The following GCFC2 variants were observed in gnomAD, a reference collection of about 807,000 sequenced individuals.
GCFC2 encodes GC-rich sequence DNA-binding factor 2.
A neutral mutation model predicts 99.4 loss-of-function variants in GCFC2; 102 were observed. The ratio of observed to expected loss-of-function variants is 1.03; its 90% confidence interval spans 0.87 to 1.21. The LOEUF (loss-of-function observed/expected upper bound fraction) is 1.21. Among genes scored for constraint, GCFC2 ranks in the 50% most tolerant of loss-of-function variants. The pLI is 0.00. For missense variants in GCFC2, 973 were observed against 920.9 expected, an observed-to-expected ratio of 1.06 and a Z score of -0.73; for synonymous variants, 338 against 316.8, an observed-to-expected ratio of 1.07 and a Z score of -0.71.
intron 2 of GCFC2, among the ~76,000 whole-genome samples, chr2:75,705,244 G>T (rs989264864): frequency 6.6e-6 from 1 of 152,096 alleles, no homozygotes; most frequent in Non-Finnish European, 1.5e-5. Flanking sequence ...TAATCGCTTA[G>T]TATTTCTGTA....
chr2:75,711,117 A>G, upstream of GCFC2: 1 of 1,259,402 alleles, frequency 7.9e-7, no homozygotes. Context: ...CACCTTAGAG[A>G]TTTTCACGGC....
At chr2:75,694,565 A>G in intron 5 of GCFC2, 138 bp from the exon 6 acceptor site, 1 of 394,672 alleles carries the variant, frequency 2.5e-6, no homozygotes, top group East Asian at 3.7e-5. Flanking sequence ...AGCAAAGAAC[A>G]CCACAATAAA....
In GCFC2 at chr2:75,689,984, A is replaced by T. The variant is rs1354807384; in HGVS notation, c.1324T>A (p.Phe442Ile). 4 of 1,587,200 alleles carry T rather than the reference A, an allele frequency of 2.5e-6. No individual in the cohort carries two copies. Among genetic ancestry groups the T allele is most frequent in the African/African-American group, 2.7e-5 (2 of 74,378 alleles). ...GGTAACTGACCTTGGCTTTTTTGGA[A>T]GTCAATCATCTCTGCTGAAGGCAGT... ...DELPSAEMID[F>I]QKSQGDILQK... The change falls in exon 9 of 17, where the codon TTC becomes ATC. Residue 442 changes from phenylalanine (F) to isoleucine (I), a missense_variant. Phe to Ile is a conservative substitution (Grantham distance 21). Coordinates refer to ENST00000321027, the MANE Select transcript of GCFC2 (RefSeq NM_003203.5).
chr2:75,706,595 C>T lies in GCFC2; in HGVS notation c.322G>A (p.Glu108Lys), dbSNP rs771593992. ...GACAAACCCTGATCATCCTTACTTTCTGAGGAGTGATGTATTTTATCCTCT... is the reference window on the plus strand; with the variant it reads ...GACAAACCCTGATCATCCTTACTTTTTGAGGAGTGATGTATTTTATCCTCT... ...DEEDKIHHSS[E>K]SKDDQGLSSD... Residue 108 changes from glutamate (E) to lysine (K), a missense_variant, in exon 2 of 17, where the codon GAA becomes AAA. Coordinates refer to ENST00000321027, the MANE Select transcript of GCFC2 (RefSeq NM_003203.5). The T allele has an allele frequency of 3.2e-5, 51 of 1,594,918 alleles. No individual in the cohort carries two copies. The South Asian group carries it at 5.4e-4, about 17-fold the overall frequency.
rs555303881 is a variant in GCFC2 at position 75,666,638 on chromosome 2, T to C, written c.2104-585A>G. On this transcript the variant is annotated intron_variant, in intron 15 of 16. Coordinates refer to ENST00000321027, the MANE Select transcript of GCFC2 (RefSeq NM_003203.5). ...AAATGGAAATTACATTTTATCATTG[T>C]CATCCTAAGAGTAATACAAGATTTT... Among the ~76,000 whole-genome samples the C allele has an allele frequency of 2.0e-5, 3 of 151,952 alleles. No homozygotes were observed. The East Asian group carries it at 5.8e-4, about 29-fold the overall frequency.
intron 11 of GCFC2, among the ~76,000 whole-genome samples, chr2:75,683,948 A>T (rs1679701057): frequency 6.6e-6 from 1 of 152,168 alleles, no homozygotes; most frequent in South Asian, 2.1e-4. Context: ...TACGCACCCA[A>T]TACAGCAGCA....
intron 14 of GCFC2, among the ~76,000 whole-genome samples, chr2:75,671,408 T>C (rs1679084862): frequency 6.6e-6 from 1 of 152,252 alleles, no homozygotes; most frequent in Non-Finnish European, 1.5e-5. Flanking sequence ...GACCTCTGTA[T>C]CTCTATTTGT....
upstream of GCFC2, among the ~76,000 whole-genome samples, chr2:75,712,243 T>C (rs1681217183): frequency 8.6e-6 from 1 of 116,318 alleles, no homozygotes; most frequent in Admixed American, 8.7e-5. Context: ...AGCTCAGGGA[T>C]TGTAAAAACA....
At position 75,680,173 on chromosome 2, in the gene GCFC2, G is replaced by A. The variant is rs774955749; in HGVS notation, c.1812+20C>T. On this transcript the variant is annotated intron_variant, in intron 12 of 16. Coordinates refer to ENST00000321027, the MANE Select transcript of GCFC2 (RefSeq NM_003203.5). Reference sequence around the variant, plus strand: ...GATTTAGAGATAGATCATGGAGTTCGCAACTCTAGAAATTATTACCTGTCT... The same window carrying A: ...GATTTAGAGATAGATCATGGAGTTCACAACTCTAGAAATTATTACCTGTCT... 24 of 1,569,704 alleles carry A rather than the reference G, an allele frequency of 1.5e-5. No individual in the cohort carries two copies. Among genetic ancestry groups the A allele is most frequent in the Admixed American group, 8.4e-5 (5 of 59,540 alleles).
intron 2 of GCFC2, among the ~76,000 whole-genome samples, chr2:75,704,145 G>T (rs1422243785): frequency 6.6e-6 from 1 of 152,146 alleles, no homozygotes; most frequent in East Asian, 1.9e-4. Flanking sequence ...TCAGCATATT[G>T]TTCAATAATA....
intron 15 of GCFC2, among the ~76,000 whole-genome samples, chr2:75,668,908 C>G (rs1678967033): frequency 1.3e-5 from 2 of 152,128 alleles, no homozygotes; most frequent in Admixed American, 6.5e-5. Context: ...TTTTCCAGAA[C>G]CACTGCACTG....
intron 15 of GCFC2, among the ~76,000 whole-genome samples, chr2:75,668,965 G>C (rs1678969133): frequency 6.6e-6 from 1 of 152,062 alleles, no homozygotes; most frequent in South Asian, 2.1e-4. Flanking sequence ...TTGTTTTCCT[G>C]TGTTTATAAC....
intron 11 of GCFC2, among the ~76,000 whole-genome samples, chr2:75,683,771 C>CAAAAAAAAA (rs749580096): frequency 7.3e-4 from 44 of 60,368 alleles, no homozygotes; most frequent in African/African-American, 1.8e-3. Context: ...AAATGGAAAG[C>CAAAAAAAAA]AAAAAAAAAA....
chr2:75,666,713 TAAA>T (rs879656710), intron 15 of GCFC2, among the ~76,000 whole-genome samples: 1 of 127,992 alleles, frequency 7.8e-6, no homozygotes, highest in African/African-American at 2.9e-5. Flanking sequence ...ATTTAAAAAG[TAAA>T]AAAAAAAAAA....
rs535581882 is a variant in GCFC2, at chr2:75,708,894, C to T, written c.265+1697G>A. Among the ~76,000 whole-genome samples the T allele has an allele frequency of 2.6e-5, 4 of 152,240 alleles. No individual in the cohort carries two copies. The South Asian group carries it at 8.3e-4, about 32-fold the overall frequency. ...CAACACCCTCAATGATCTAAAAATG[C>T]TATTAAGTACTCGTCTTAATCATGT... On this transcript the variant is annotated intron_variant, in intron 1 of 16. Transcript: ENST00000321027.
intron 2 of GCFC2, among the ~76,000 whole-genome samples, chr2:75,705,147 C>T (rs942468305): frequency 6.6e-6 from 1 of 152,104 alleles, no homozygotes; most frequent in Non-Finnish European, 1.5e-5. Context: ...TTTTTCCAAA[C>T]CACAGAAAAT....
chr2:75,673,047 A>G (rs1395225394), intron 13 of GCFC2, among the ~76,000 whole-genome samples: 1 of 152,116 alleles, frequency 6.6e-6, no homozygotes, highest in Non-Finnish European at 1.5e-5. Context: ...GCGGTGGCTC[A>G]CGCCTGTAAT....
chr2:75,693,247 T>C (rs533498636), intron 6 of GCFC2, among the ~76,000 whole-genome samples: 1 of 152,244 alleles, frequency 6.6e-6, no homozygotes, highest in African/African-American at 2.4e-5. Flanking sequence ...CAGACCAGCT[T>C]GGGCAACATG....
At chr2:75,693,986 CA>C (rs1479942236) in intron 6 of GCFC2, among the ~76,000 whole-genome samples, 1 of 151,870 alleles carries the variant, frequency 6.6e-6, no homozygotes, top group Non-Finnish European at 1.5e-5. Flanking sequence ...ACTTCATTTT[CA>C]AGGAATTTTC....
Sources: allele counts gnomAD v4.1 joint callset (sites outside exome capture counted in the v4.1 genomes callset), GRCh38; gene constraint gnomAD v4.1.1; transcripts MANE v1.5; gene names NCBI Gene and HGNC (gene_info 2026-07-23, HGNC 2026-07-21).